The following REV3L variants were observed in gnomAD, a reference collection of about 807,000 sequenced individuals.
The protein encoded by REV3L is REV3 like, DNA directed polymerase zeta catalytic subunit.
In REV3L, 69 loss-of-function variants were observed where a neutral mutation model predicts 299.4. The ratio of observed to expected loss-of-function variants is 0.23; its 90% CI spans 0.19 to 0.28. The LOEUF (loss-of-function observed/expected upper bound fraction) is 0.28, where lower values mean the gene tolerates loss of function less well. Ranked by LOEUF, REV3L falls within the 10% of genes least tolerant of loss-of-function variation. The pLI is 1.00. For missense variants in REV3L, 3,128 were observed against 3,693.8 expected (o/e 0.85, Z 3.97); for synonymous variants, 1,238 against 1,271.4 (o/e 0.97, Z 0.56).
Position 111,333,114 on chromosome 6 carries a change from AAAC to A in REV3L, c.7925+6_7925+8del. On this transcript the variant is annotated splice_donor_region_variant and intron_variant, in intron 23 of 31. Transcript: ENST00000368802. ...AACAATATTATTGTAAATGTGAAAAAAACCTTACTTTCCCAAGTTCTCCACATG... is the reference window on the plus strand; with the variant it reads ...AACAATATTATTGTAAATGTGAAAAACTTACTTTCCCAAGTTCTCCACATG... 1 of 1,611,954 alleles carries A rather than the reference AAAC, an allele frequency of 6.2e-7. No homozygotes were observed. Among genetic ancestry groups the A allele is most frequent in the Non-Finnish European group, 8.5e-7 (1 of 1,178,904 alleles).
At chr6:111,431,647 A>G in intron 1 of REV3L, 1 of 826,068 alleles carries the variant, frequency 1.2e-6, no homozygotes, top group South Asian at 1.4e-5. Context: ...TGATATCATA[A>G]GCACATACGG....
Position 111,382,044 on chromosome 6 carries a change from A to T in REV3L, c.1097-600T>A, listed in dbSNP as rs891234478. Among the ~76,000 whole-genome samples the T allele has an allele frequency of 2.0e-5, 3 of 152,254 alleles. No homozygotes were observed. The South Asian group carries it at 6.2e-4, about 31-fold the overall frequency. The stretch of plus-strand genomic sequence containing the variant: ...AATAGTTTTTAAGTGCTATAAAAAT[A>T]CAAAGAAATGGTTAAGCAATTAAAA... On this transcript the variant is annotated intron_variant, in intron 9 of 31. Coordinates refer to ENST00000368802, the MANE Select transcript of REV3L (RefSeq NM_001372078.1).
At position 111,367,992 on chromosome 6, in the gene REV3L, T is replaced by G. The variant is rs1274291643; in HGVS notation, c.5796A>C (p.Arg1932=). Residue 1932 remains arginine, a synonymous_variant, in exon 14 of 32, where the codon CGA becomes CGC. Coordinates refer to ENST00000368802, the MANE Select transcript of REV3L (RefSeq NM_001372078.1). ...IGGRLLMVET[R]LANDLAEFEG... is the part of the protein sequence containing the mutation. ...CAAACTCAGCCAGATCATTTGCAAG[T>G]CGAGTTTCTACCATGAGGAGCCGTC... is the stretch of plus-strand genomic sequence containing the variant. The G allele has an allele frequency of 9.9e-6, 16 of 1,611,908 alleles. No individual in the cohort carries two copies. Among genetic ancestry groups the G allele is most frequent in the Non-Finnish European group, 1.4e-5 (16 of 1,179,164 alleles).
chr6:111,481,359 T>C (rs957564462), intron 1 of REV3L, among the ~76,000 whole-genome samples: 10 of 152,180 alleles, frequency 6.6e-5, no homozygotes, highest in African/African-American at 2.2e-4. Context: ...CTTCATCGCC[T>C]CGATTTCCCA....
chr6:111,480,354 A>G (rs752855073), intron 1 of REV3L, among the ~76,000 whole-genome samples: 5 of 152,162 alleles, frequency 3.3e-5, no homozygotes, highest in African/African-American at 7.2e-5. Flanking sequence ...TTTCAAATAA[A>G]TCTGTCTTCA....
At chr6:111,428,021 A>G (rs118084423) in intron 1 of REV3L, among the ~76,000 whole-genome samples, 4,544 of 144,018 alleles carry the variant, frequency 0.032, 74 homozygotes, top group South Asian at 0.081. Context: ...CAGATTTAAG[A>G]AAAAAAAAAA....
intron 26 of REV3L, among the ~76,000 whole-genome samples, chr6:111,318,568 CAT>C (rs1491102256): frequency 6.6e-6 from 1 of 151,950 alleles, no homozygotes; most frequent in African/African-American, 2.4e-5. Flanking sequence ...ATGAATGCAA[CAT>C]TTTTTTTGTT....
intron 1 of REV3L, among the ~76,000 whole-genome samples, chr6:111,420,009 T>C (rs1035690192): frequency 2.0e-5 from 3 of 152,136 alleles, no homozygotes; most frequent in Non-Finnish European, 4.4e-5. Context: ...CATGCCCGGC[T>C]AATTTTTTGT....
chr6:111,412,014 C>A, intron 2 of REV3L: 2 of 985,348 alleles, frequency 2.0e-6, no homozygotes, highest in Non-Finnish European at 2.4e-6. Context: ...AACTGAAGTT[C>A]TTCTTCAACA....
intron 21 of REV3L, 41 bp downstream of exon 21, chr6:111,343,884 G>T: frequency 7.8e-7 from 1 of 1,279,642 alleles, no homozygotes; most frequent in Non-Finnish European, 1.1e-6. Flanking sequence ...ACATCTCAAT[G>T]ATGATTTTAT....
chr6:111,331,296 G>C (rs552802386), intron 24 of REV3L, among the ~76,000 whole-genome samples: 127 of 152,020 alleles, frequency 8.4e-4, no homozygotes, highest in Middle Eastern at 6.8e-3. Context: ...TAATGTAGAA[G>C]AACAACTAGT....
intron 31 of REV3L, among the ~76,000 whole-genome samples, chr6:111,304,613 CT>C (rs57907202): frequency 0.025 from 2,893 of 116,450 alleles, 44 homozygotes; most frequent in African/African-American, 0.071. Context: ...ATCGCTTTTT[CT>C]TTTTTTTTTT....
rs144190163 is a variant in REV3L, at chr6:111,429,378, C to T, written c.140-12906G>A. Among the ~76,000 whole-genome samples the T allele has an allele frequency of 2.0e-3, 297 of 152,016 alleles. 1 individual carries two copies. Among genetic ancestry groups the T allele is most frequent in the African/African-American group, 7.0e-3 (291 of 41,466 alleles). On this transcript the variant is annotated intron_variant, in intron 1 of 31. Transcript: ENST00000368802. ...ATTCACCACCACCAGAACCACCTTACAAAAAAATGCACATGGGAGTTCTTC... is the reference window on the plus strand; with the variant it reads ...ATTCACCACCACCAGAACCACCTTATAAAAAAATGCACATGGGAGTTCTTC...
intron 1 of REV3L, among the ~76,000 whole-genome samples, chr6:111,479,823 C>CT (rs1793407066): frequency 6.6e-6 from 1 of 152,120 alleles, no homozygotes; most frequent in Non-Finnish European, 1.5e-5. Context: ...GAATATCCCT[C>CT]TTTTTAAAAA....
intron 2 of REV3L, 100 bp downstream of exon 2, chr6:111,416,183 C>T (rs770299200): frequency 2.5e-6 from 2 of 790,694 alleles, no homozygotes; most frequent in South Asian, 3.6e-5. Flanking sequence ...TTCCATTAGA[C>T]TAGAAGTAAA....
At chr6:111,470,816 C>T (rs536617590) in intron 1 of REV3L, among the ~76,000 whole-genome samples, 1 of 152,120 alleles carries the variant, frequency 6.6e-6, no homozygotes, top group Non-Finnish European at 1.5e-5. Context: ...TCCATCTCTA[C>T]TAAAAATACA....
At chr6:111,311,304 G>T in intron 28 of REV3L, 45 bp from the exon 29 acceptor site, 2 of 1,446,624 alleles carry the variant, frequency 1.4e-6, no homozygotes, top group South Asian at 1.3e-5. Flanking sequence ...ATATCTCCTA[G>T]TATGTTTCAC....
chr6:111,378,503 C>T (rs1033346824), intron 11 of REV3L, among the ~76,000 whole-genome samples: 1 of 151,988 alleles, frequency 6.6e-6, no homozygotes, highest in African/African-American at 2.4e-5. Flanking sequence ...TCATAAAAAT[C>T]ACTCCCTTAA....
intron 1 of REV3L, among the ~76,000 whole-genome samples, chr6:111,419,995 C>A (rs931121528): frequency 3.9e-5 from 6 of 152,078 alleles, no homozygotes; most frequent in Non-Finnish European, 7.4e-5. Flanking sequence ...CAGGTGCCTG[C>A]CACCATGCCC....
Sources: allele counts gnomAD v4.1 joint callset (sites outside exome capture counted in the v4.1 genomes callset), GRCh38; gene constraint gnomAD v4.1.1; transcripts MANE v1.5; gene names NCBI Gene and HGNC (gene_info 2026-07-23, HGNC 2026-07-21).